The following KLF13 variants were observed in gnomAD, a reference collection of about 807,000 sequenced individuals.
KLF13 encodes the protein Krueppel-like factor 13.
A neutral mutation model predicts 16.7 loss-of-function variants in KLF13; 8 were observed. That is an observed-to-expected ratio of 0.48 (90% CI 0.28 to 0.87). The LOEUF is 0.87. KLF13 is among the 40% of genes least tolerant of loss of function. The pLI is 0.10. For synonymous variants in KLF13, 245 were observed against 208.4 expected (o/e 1.18, Z -1.51); for missense variants, 447 against 452.2 (o/e 0.99, Z 0.10).
At chr15:31,364,538 C>A (rs34331965) in intron 1 of KLF13, among the ~76,000 whole-genome samples, 4,163 of 152,368 alleles carry the variant, frequency 0.027, 78 homozygotes, top group Middle Eastern at 0.051. Context: ...ACATTGTTAT[C>A]TCCTCCAAGC....
intron 1 of KLF13, among the ~76,000 whole-genome samples, chr15:31,331,583 C>A (rs182237630): frequency 7.9e-5 from 12 of 152,342 alleles, no homozygotes; most frequent in Admixed American, 1.3e-4. Context: ...TGGGTGGGAT[C>A]TCCTTTACCC....
chr15:31,405,268 C>A (rs540117443), downstream of KLF13, among the ~76,000 whole-genome samples: 8 of 152,072 alleles, frequency 5.3e-5, no homozygotes, highest in Non-Finnish European at 8.8e-5. Flanking sequence ...GAGCCGAGAT[C>A]GCACCACTGC....
chr15:31,372,453 A>G lies in KLF13; in HGVS notation c.*154A>G. The G allele has an allele frequency of 2.4e-6, 2 of 844,888 alleles. No homozygotes were observed. The highest frequency in any genetic ancestry group is 3.3e-6 in the Non-Finnish European group (2 of 597,300). 52.3% of individuals were successfully genotyped at this position (844,888 alleles called of 1,614,324 possible). A position where few individuals can be genotyped will look rare whatever the true frequency, so the allele number is the denominator to read the frequency against. ...TCAAAGTAAATTTGTTAAAAAAACA[A>G]AAAAAACACAAAAATTTCAAAAAAC... On this transcript the variant is annotated 3_prime_UTR_variant, in exon 2 of 2. Coordinates refer to ENST00000307145, the MANE Select transcript of KLF13 (RefSeq NM_015995.4).
chr15:31,352,096 G>C (rs996788365), intron 1 of KLF13, among the ~76,000 whole-genome samples: 3 of 152,120 alleles, frequency 2.0e-5, no homozygotes, highest in Non-Finnish European at 4.4e-5. Context: ...AACAAAAAAA[G>C]GGTTTTGCAG....
chr15:31,381,480 T>G (rs2039726051), downstream of KLF13, among the ~76,000 whole-genome samples: 1 of 152,160 alleles, frequency 6.6e-6, no homozygotes, highest in Non-Finnish European at 1.5e-5. Flanking sequence ...CCTCTGTGAT[T>G]ACCCTGTGCG....
In KLF13 at chr15:31,363,488, A is replaced by T. The variant is rs555716932; in HGVS notation, c.578-8522A>T. 7.9e-5 allele frequency among the ~76,000 whole-genome samples: 12 copies of T among 152,270 alleles called. No homozygotes were observed. In the South Asian group the frequency reaches 8.3e-4, roughly 11 times the overall value. On this transcript the variant is annotated intron_variant, in intron 1 of 1. Transcript: ENST00000307145. ...AGTATACTGTTTTGTGCAGTCAAAT[A>T]GATTGATTGATTGATTGAGACTGAG...
intron 1 of KLF13, among the ~76,000 whole-genome samples, chr15:31,352,946 C>T (rs1057441839): frequency 1.3e-4 from 20 of 152,058 alleles, no homozygotes; most frequent in Admixed American, 1.3e-3. Context: ...GAGGCTGGAC[C>T]CACCTCCCCG....
intron 1 of KLF13, among the ~76,000 whole-genome samples, chr15:31,387,193 G>A (rs1456581645): frequency 6.6e-6 from 1 of 152,174 alleles, no homozygotes; most frequent in Non-Finnish European, 1.5e-5. Flanking sequence ...AATGCTATCA[G>A]CATTGCACAC....
At chr15:31,328,799 CT>C (rs551021520) in intron 1 of KLF13, among the ~76,000 whole-genome samples, 23 of 152,304 alleles carry the variant, frequency 1.5e-4, no homozygotes, top group African/African-American at 5.5e-4. Context: ...GACGGCAATC[CT>C]TCCCCATTTT....
upstream of KLF13, among the ~76,000 whole-genome samples, chr15:31,390,210 G>A (rs932899053): frequency 2.0e-5 from 3 of 152,012 alleles, no homozygotes; most frequent in African/African-American, 7.3e-5. Flanking sequence ...GCACAGCCCC[G>A]GACTCCCTTT....
intron 1 of KLF13, among the ~76,000 whole-genome samples, chr15:31,410,977 A>G (rs2040187063): frequency 6.6e-6 from 1 of 152,236 alleles, no homozygotes; most frequent in South Asian, 2.1e-4. Context: ...TCACTGAAGA[A>G]AAAAACCAGT....
chr15:31,420,166 C>T (rs890445942), intron 1 of KLF13: 5 of 513,280 alleles, frequency 9.7e-6, no homozygotes, highest in South Asian at 3.3e-5. Flanking sequence ...CCACTAGTGT[C>T]GTCGCCACCC....
In KLF13 at chr15:31,358,398, G is replaced by A. The variant is rs562774142; in HGVS notation, c.578-13612G>A. ...CTTGCAGCAATGGATGAGAGCTCCA[G>A]TTGCTCCACCAGCATTTAGTATTGT... On this transcript the variant is annotated intron_variant, in intron 1 of 1. Transcript: ENST00000307145. Among the ~76,000 whole-genome samples, 3 of 152,344 alleles carry A rather than the reference G, an allele frequency of 2.0e-5. No individual in the cohort carries two copies. In the South Asian group the frequency reaches 6.2e-4, roughly 32 times the overall value.
chr15:31,424,748 A>G (rs1355327793), intron 1 of KLF13, among the ~76,000 whole-genome samples: 1 of 152,186 alleles, frequency 6.6e-6, no homozygotes, highest in Non-Finnish European at 1.5e-5. Context: ...ACTTCTATTC[A>G]ACATAGTAAT....
upstream of KLF13, among the ~76,000 whole-genome samples, chr15:31,390,173 A>G (rs12912800): frequency 0.56 from 85,342 of 151,678 alleles, 24,702 homozygotes; most frequent in South Asian, 0.67. Context: ...ATGGATCCGC[A>G]CCCCCACTCC....
At chr15:31,371,324 A>T (rs1178194878) in intron 1 of KLF13, among the ~76,000 whole-genome samples, 2 of 152,060 alleles carry the variant, frequency 1.3e-5, no homozygotes. Context: ...GGCCCCTATA[A>T]TGGGGTGCTC....
chr15:31,423,120 T>C (rs1211788349), intron 1 of KLF13, among the ~76,000 whole-genome samples: 3 of 128,126 alleles, frequency 2.3e-5, no homozygotes, highest in African/African-American at 3.6e-5. Flanking sequence ...TACGTATATA[T>C]ACGTATATAT....
chr15:31,383,078 G>A (rs145115812), intron 1 of KLF13, among the ~76,000 whole-genome samples: 192 of 152,348 alleles, frequency 1.3e-3, no homozygotes, highest in African/African-American at 4.4e-3. Flanking sequence ...ATAATCAGCA[G>A]ACTTCCTCTG....
intron 1 of KLF13, among the ~76,000 whole-genome samples, chr15:31,361,369 C>T (rs1595472370): frequency 6.6e-6 from 1 of 152,146 alleles, no homozygotes; most frequent in South Asian, 2.1e-4. Flanking sequence ...GGTTTCTCAC[C>T]TCTGACAAGG....
Sources: gnomAD v4.1 joint callset for allele counts (sites outside exome capture counted in the v4.1 genomes callset) on GRCh38, gnomAD v4.1.1 for gene constraint, MANE v1.5 for transcripts, NCBI Gene and HGNC (gene_info 2026-07-23, HGNC 2026-07-21) for gene names.